Variants in SATB2 observed in about 807,000 individuals in gnomAD.
SATB2 encodes DNA-binding protein SATB2.
A neutral mutation model predicts 73.4 loss-of-function variants in SATB2; 1 was observed. The observed-to-expected ratio is 0.01, with a 90% confidence interval of 0.00 to 0.06. The LOEUF (loss-of-function observed/expected upper bound fraction) is 0.06. SATB2 is among the 10% of genes least tolerant of loss of function. The probability of loss-of-function intolerance (pLI) is 1.00; values close to 1 mark genes in which losing one functional copy is unlikely to be tolerated. For synonymous variants in SATB2, 397 were observed against 367.0 expected, an observed-to-expected ratio of 1.08 and a Z score of -0.93; for missense variants, 459 against 945.8, an observed-to-expected ratio of 0.49 and a Z score of 6.75.
At chr2:199,456,360 C>A (rs531067502) in intron 1 of SATB2, among the ~76,000 whole-genome samples, 28 of 152,336 alleles carry the variant, frequency 1.8e-4, no homozygotes. Context: ...CCGGGGTTGG[C>A]ACCCAGGGGC....
chr2:199,458,847 C>T (rs1692387999), upstream of SATB2: 2 of 302,204 alleles, frequency 6.6e-6, no homozygotes, highest in Non-Finnish European at 1.3e-5. Context: ...AGCCGAACGT[C>T]CCGGCCCGCC....
intron 10 of SATB2, among the ~76,000 whole-genome samples, chr2:199,305,607 G>A (rs1256597642): frequency 6.6e-6 from 1 of 152,128 alleles, no homozygotes; most frequent in Non-Finnish European, 1.5e-5. Context: ...CACACAAACA[G>A]CAAGAAAAAG....
chr2:199,350,377 T>C (rs1688779728), intron 6 of SATB2, among the ~76,000 whole-genome samples: 1 of 151,914 alleles, frequency 6.6e-6, no homozygotes, highest in Non-Finnish European at 1.5e-5. Context: ...CTCAAAAAAT[T>C]TAGGCAGAAA....
chr2:199,454,536 T>C (rs1327203237), intron 2 of SATB2, among the ~76,000 whole-genome samples: 1 of 152,118 alleles, frequency 6.6e-6, no homozygotes, highest in African/African-American at 2.4e-5. Flanking sequence ...AGAACTGTTT[T>C]CTTTTGCTTC....
At chr2:199,429,761 T>G (rs1691444268) in intron 3 of SATB2, among the ~76,000 whole-genome samples, 1 of 152,070 alleles carries the variant, frequency 6.6e-6, no homozygotes, top group Non-Finnish European at 1.5e-5. Context: ...AATACAAAAA[T>G]TAGCCAGGCT....
At chr2:199,329,083 C>G in intron 7 of SATB2, 173 bp from the exon 8 acceptor site, 1 of 669,276 alleles carries the variant, frequency 1.5e-6, no homozygotes, top group South Asian at 1.6e-5. Flanking sequence ...GCTTGCCTTC[C>G]GGGGGATATG....
At chr2:199,433,537 C>G (rs1157363529) in intron 2 of SATB2, 23 bp from the exon 3 acceptor site, 1 of 1,610,936 alleles carries the variant, frequency 6.2e-7, no homozygotes, top group Non-Finnish European at 8.5e-7. Flanking sequence ...AATTCAAGAG[C>G]AAAACACAAA....
intron 3 of SATB2, among the ~76,000 whole-genome samples, chr2:199,409,585 T>C (rs183065530): frequency 2.0e-5 from 3 of 152,316 alleles, no homozygotes; most frequent in African/African-American, 7.2e-5. Context: ...AACATTTTTA[T>C]CATGGCTAAA....
rs1692313911 is a variant in SATB2 at position 199,457,302 on chromosome 2, C to G, written c.-60+37G>C. ...TTGGCCCTGGGCTTCCCCGAACTCC[C>G]GAGCGCGGCGCGGGAGCCCTCGCCC... On this transcript the variant is annotated intron_variant, in intron 1 of 10. Coordinates refer to ENST00000417098, the MANE Select transcript of SATB2 (RefSeq NM_001172509.2). This position sits in a 1 kb window ranked among gnomAD's most constrained non-coding sequence, Gnocchi z 4.8. 1 of 152,142 alleles carries G rather than the reference C, an allele frequency of 6.6e-6. No homozygotes were observed. The highest frequency in any genetic ancestry group is 2.0e-4 in the East Asian group (1 of 5,114). The allele number at this position is 152,142 out of a possible 1,614,324, so 9.4% of individuals were successfully genotyped here.
chr2:199,324,046 G>T, intron 8 of SATB2, 88 bp from the exon 9 acceptor site: 1 of 1,399,440 alleles, frequency 7.1e-7, no homozygotes, highest in Non-Finnish European at 1.0e-6. Context: ...ATTTCAGTCA[G>T]CTGATGCCAA....
chr2:199,434,627 G>A (rs900546227), intron 2 of SATB2, among the ~76,000 whole-genome samples: 2 of 152,116 alleles, frequency 1.3e-5, no homozygotes, highest in African/African-American at 4.8e-5. Flanking sequence ...TGAAGACTGG[G>A]TGAGTAGGCA....
intron 3 of SATB2, among the ~76,000 whole-genome samples, chr2:199,432,034 G>A (rs1383514947): frequency 3.3e-5 from 5 of 152,190 alleles, no homozygotes; most frequent in African/African-American, 4.8e-5. Context: ...CCTCACACAA[G>A]AAGGAAAGTC....
chr2:199,431,599 C>CTT (rs1234439329), intron 3 of SATB2, among the ~76,000 whole-genome samples: 4 of 152,186 alleles, frequency 2.6e-5, no homozygotes, highest in Non-Finnish European at 5.9e-5. Context: ...GTTTAATAAT[C>CTT]CTCCACTGTA....
intron 7 of SATB2, among the ~76,000 whole-genome samples, chr2:199,336,097 G>C (rs1357092573): frequency 1.3e-5 from 2 of 152,010 alleles, no homozygotes; most frequent in African/African-American, 2.4e-5. Flanking sequence ...GTTTGTTTTT[G>C]CATACTTAAT....
chr2:199,338,928 A>G (rs1045892453), intron 7 of SATB2, among the ~76,000 whole-genome samples: 2 of 151,394 alleles, frequency 1.3e-5, no homozygotes, highest in African/African-American at 4.9e-5. Context: ...AAAAAAAAAA[A>G]AAAAAAAAGA....
intron 7 of SATB2, among the ~76,000 whole-genome samples, chr2:199,345,574 T>C (rs1485723685): frequency 6.6e-6 from 1 of 152,184 alleles, no homozygotes; most frequent in Non-Finnish European, 1.5e-5. Flanking sequence ...CCCTTCATAA[T>C]TACACCTTTA....
chr2:199,464,725 T>A lies in SATB2; in HGVS notation c.-141+111A>T, dbSNP rs1439421437. 6.6e-6 allele frequency: 1 copy of A among 152,180 alleles called. No homozygotes were observed. Among genetic ancestry groups the A allele is most frequent in the Non-Finnish European group, 1.5e-5 (1 of 68,048 alleles). 9.4% of individuals were successfully genotyped at this position (152,180 alleles called of 1,614,324 possible). On this transcript the variant is annotated intron_variant, in intron 1 of 11. Coordinates refer to the SATB2 transcript ENST00000260926. This position sits in a 1 kb window ranked among gnomAD's most constrained non-coding sequence, Gnocchi z 6.6. ...GTGGCCTACTCGCCTACTCCCTTAT[T>A]ATTGGCTGGGACCTGTTCCTTTCCA... is the stretch of plus-strand genomic sequence containing the variant.
intron 10 of SATB2, among the ~76,000 whole-genome samples, chr2:199,296,295 C>A (rs545976861): frequency 6.6e-6 from 1 of 152,242 alleles, no homozygotes; most frequent in African/African-American, 2.4e-5. Flanking sequence ...CATTAAAATA[C>A]TCAAATGGAA....
At chr2:199,371,356 T>C (rs1689440907) in intron 5 of SATB2, among the ~76,000 whole-genome samples, 1 of 152,254 alleles carries the variant, frequency 6.6e-6, no homozygotes, top group East Asian at 1.9e-4. Flanking sequence ...AACACTTAAT[T>C]AATGATACAT....
Sources: gnomAD v4.1 joint callset for allele counts (sites outside exome capture counted in the v4.1 genomes callset) on GRCh38, gnomAD v4.1.1 for gene constraint, Gnocchi (gnomAD v3.1) non-coding constraint, MANE v1.5 for transcripts, NCBI Gene and HGNC (gene_info 2026-07-23, HGNC 2026-07-21) for gene names.